The following HNRNPM variants were observed in gnomAD, a reference collection of about 807,000 sequenced individuals.
HNRNPM encodes CEA receptor.
In HNRNPM, 11 loss-of-function variants were observed where a neutral mutation model predicts 73.1. The ratio of observed to expected loss-of-function variants is 0.15; its 90% CI spans 0.09 to 0.25. The LOEUF (loss-of-function observed/expected upper bound fraction) is 0.25, where lower values mean the gene tolerates loss of function less well. Among genes scored for constraint, HNRNPM ranks in the 10% least tolerant of loss-of-function variants. The pLI, the probability that HNRNPM is intolerant of heterozygous loss-of-function variation, is 1.00. For synonymous variants in HNRNPM, 407 were observed against 355.2 expected (o/e 1.15, Z -1.64); for missense variants, 789 against 1,067.9 (o/e 0.74, Z 3.64).
rs564283721 is a variant in HNRNPM at position 8,471,024 on chromosome 19, A to C, written c.896-302A>C. On this transcript the variant is annotated intron_variant, in intron 9 of 15. Transcript: ENST00000325495. ...CTTGAGTCACCTTTTTTGATCAGACAGTTCTCAGTCCATGGGTTAGTGAAA... is the reference window on the plus strand; with the variant it reads ...CTTGAGTCACCTTTTTTGATCAGACCGTTCTCAGTCCATGGGTTAGTGAAA... Among the ~76,000 whole-genome samples the C allele has an allele frequency of 4.2e-3, 633 of 152,294 alleles. 6 individuals carry two copies. The highest frequency in any genetic ancestry group is 6.9e-3 in the Non-Finnish European group (469 of 68,022).
rs370055027 is a variant in HNRNPM at position 8,447,021 on chromosome 19, G to A, written c.113+1910G>A. On this transcript the variant is annotated intron_variant, in intron 1 of 15. Transcript: ENST00000325495. ...AAGGAGTGCTGGTAGAACCTTGCTA[G>A]ATGATAGGGTAAATTAATAGATTAC... Among the ~76,000 whole-genome samples, 25 of 152,298 alleles carry A rather than the reference G, an allele frequency of 1.6e-4. No individual in the cohort carries two copies. The East Asian group carries it at 2.5e-3, about 15-fold the overall frequency.
At chr19:8,468,473 T>C (rs1431572964) in intron 8 of HNRNPM, among the ~76,000 whole-genome samples, 2 of 152,156 alleles carry the variant, frequency 1.3e-5, no homozygotes, top group Non-Finnish European at 2.9e-5. Flanking sequence ...TTTGAATAGA[T>C]GATAGATTCA....
intron 15 of HNRNPM, chr19:8,488,408 C>G (rs941513993): frequency 1.8e-5 from 6 of 330,206 alleles, no homozygotes; most frequent in African/African-American, 1.0e-4. Flanking sequence ...TGTATGGGAA[C>G]TTTCTGCCTA....
chr19:8,474,522 G>A (rs1171976826), intron 12 of HNRNPM, among the ~76,000 whole-genome samples: 1 of 152,102 alleles, frequency 6.6e-6, no homozygotes, highest in East Asian at 1.9e-4. Flanking sequence ...CGTGGTTATG[G>A]TCTCCGAGTA....
Position 8,471,307 on chromosome 19 carries a change from C to G in HNRNPM, c.896-19C>G. The G allele has an allele frequency of 2.0e-6, 3 of 1,499,922 alleles. No individual in the cohort carries two copies. The highest frequency in any genetic ancestry group is 2.7e-6 in the Non-Finnish European group (3 of 1,104,330). The allele number at this position is 1,499,922 out of a possible 1,614,324, so 92.9% of individuals were successfully genotyped here. A position where few individuals can be genotyped will look rare whatever the true frequency, so the allele number is the denominator to read the frequency against. On this transcript the variant is annotated intron_variant, in intron 9 of 15. Transcript: ENST00000325495. ...TGCTAAATAGGGGAAAACTAAGCTT[C>G]TTTCTCTTTTCTTTCCAGATGGCCT... is the stretch of plus-strand genomic sequence containing the variant.
intron 10 of HNRNPM, 55 bp from the exon 11 acceptor site, chr19:8,473,609 A>G: frequency 9.2e-7 from 1 of 1,081,350 alleles, no homozygotes; most frequent in East Asian, 2.4e-5. Context: ...TTAAGTTCAA[A>G]CGTTATTTAC....
intron 2 of HNRNPM, among the ~76,000 whole-genome samples, chr19:8,456,963 A>G (rs534555067): frequency 3.3e-5 from 5 of 152,322 alleles, no homozygotes; most frequent in African/African-American, 9.6e-5. Context: ...TGCTGCTTCA[A>G]TAGAAGCTTA....
At chr19:8,485,577 A>G (rs1201855982) in intron 13 of HNRNPM, 26 bp from the exon 14 acceptor site, 1 of 1,586,212 alleles carries the variant, frequency 6.3e-7, no homozygotes, top group Non-Finnish European at 8.6e-7. Flanking sequence ...CTTGACACCC[A>G]CCTGTGTTTT....
intron 14 of HNRNPM, 86 bp downstream of exon 14, chr19:8,486,491 G>A (rs1971319068): frequency 8.1e-7 from 1 of 1,234,150 alleles, no homozygotes; most frequent in Non-Finnish European, 1.1e-6. Flanking sequence ...GTCAGAGGTG[G>A]CGCCCTTCAA....
chr19:8,489,031 T>C lies in HNRNPM; in HGVS notation c.*177T>C. ...TCCATTTGACTGTTTGCATTGAGAT[T>C]GCAATGTGCGCAATTTTTTTTGTAG... On this transcript the variant is annotated 3_prime_UTR_variant, in exon 16 of 16. Transcript: ENST00000325495. 1.7e-6 allele frequency: 1 copy of C among 582,692 alleles called. No homozygotes were observed. The highest frequency in any genetic ancestry group is 3.0e-6 in the Non-Finnish European group (1 of 338,952). The allele number at this position is 582,692 out of a possible 1,614,324, so 36.1% of individuals were successfully genotyped here. A position where few individuals can be genotyped will look rare whatever the true frequency, so the allele number is the denominator to read the frequency against.
At chr19:8,449,390 C>T (rs924987804) in intron 1 of HNRNPM, among the ~76,000 whole-genome samples, 3 of 152,136 alleles carry the variant, frequency 2.0e-5, no homozygotes, top group African/African-American at 7.2e-5. Flanking sequence ...ATTATGATGC[C>T]TAGGTTTTCT....
chr19:8,467,088 TCTC>T lies in HNRNPM; in HGVS notation c.785-444_785-442del, dbSNP rs369406979. Among the ~76,000 whole-genome samples the T allele has an allele frequency of 4.5e-3, 687 of 152,138 alleles. 4 individuals are homozygous for T. Among genetic ancestry groups the T allele is most frequent in the African/African-American group, 0.016 (649 of 41,522 alleles). ...AGACATCATTTTGGAAGAGGCCACT[TCTC>T]CTTGACCCTAGGCTTAGCCTAGAGT... is the stretch of plus-strand genomic sequence containing the variant. On this transcript the variant is annotated intron_variant, in intron 7 of 15. Coordinates refer to ENST00000325495, the MANE Select transcript of HNRNPM (RefSeq NM_005968.5).
intron 1 of HNRNPM, among the ~76,000 whole-genome samples, chr19:8,450,929 G>A (rs1228417543): frequency 1.3e-5 from 2 of 151,306 alleles, no homozygotes; most frequent in African/African-American, 4.9e-5. Context: ...TTTTTGAGAC[G>A]GAGTTTCACT....
intron 1 of HNRNPM, chr19:8,445,480 A>G: frequency 5.4e-6 from 1 of 185,852 alleles, no homozygotes. Flanking sequence ...GCCGGGTTTC[A>G]GCCCCCCGTC....
At chr19:8,452,775 G>A (rs1968719454) in intron 1 of HNRNPM, among the ~76,000 whole-genome samples, 1 of 152,166 alleles carries the variant, frequency 6.6e-6, no homozygotes, top group East Asian at 1.9e-4. Flanking sequence ...CCTCTGCTGG[G>A]ATACCACTTG....
At chr19:8,464,603 G>C (rs1319118602) in intron 5 of HNRNPM, among the ~76,000 whole-genome samples, 1 of 152,182 alleles carries the variant, frequency 6.6e-6, no homozygotes, top group African/African-American at 2.4e-5. Flanking sequence ...TTGAACTCCA[G>C]CCTGGGCAGT....
intron 15 of HNRNPM, 197 bp from the exon 16 acceptor site, chr19:8,488,494 G>A (rs748607578): frequency 8.6e-5 from 40 of 464,674 alleles, no homozygotes; most frequent in Non-Finnish European, 1.4e-4. Context: ...CCGCCAGGAA[G>A]GCTTTTCATG....
rs1307482998 is a variant in HNRNPM, at chr19:8,456,639, G to C, written c.283+1065G>C. ...CCGTGGATAGGCCATTTTGGTATGT[G>C]TACTGGTGCTCCCTGCATTGGATTT... On this transcript the variant is annotated intron_variant, in intron 2 of 15. Coordinates refer to ENST00000325495, the MANE Select transcript of HNRNPM (RefSeq NM_005968.5). Among the ~76,000 whole-genome samples, 7 of 152,170 alleles carry C rather than the reference G, an allele frequency of 4.6e-5. No individual in the cohort carries two copies. In the South Asian group the frequency reaches 8.3e-4, roughly 18 times the overall value.
chr19:8,464,633 A>G (rs940146793), intron 5 of HNRNPM, among the ~76,000 whole-genome samples: 4 of 152,182 alleles, frequency 2.6e-5, no homozygotes, highest in Non-Finnish European at 5.9e-5. Context: ...GCTCTGTCTC[A>G]AAAAAACATC....
Sources: gnomAD v4.1 joint callset for allele counts (sites outside exome capture counted in the v4.1 genomes callset) on GRCh38, gnomAD v4.1.1 for gene constraint, MANE v1.5 for transcripts, NCBI Gene and HGNC (gene_info 2026-07-23, HGNC 2026-07-21) for gene names.